Variants in TBC1D22A observed in about 807,000 individuals in gnomAD.
The protein encoded by TBC1D22A is putative GTPase activator.
A neutral mutation model predicts 60.2 loss-of-function variants in TBC1D22A; 38 were observed. The observed-to-expected ratio is 0.63, with a 90% confidence interval of 0.49 to 0.83. TBC1D22A has a LOEUF of 0.83. Ranked by LOEUF, TBC1D22A falls within the 40% of genes least tolerant of loss-of-function variation. The pLI, the probability that TBC1D22A is intolerant of heterozygous loss-of-function variation, is 0.00. For missense variants in TBC1D22A, 628 were observed against 701.0 expected (o/e 0.90, Z 1.18); for synonymous variants, 302 against 281.7 (o/e 1.07, Z -0.72).
chr22:47,090,803 C>T lies in TBC1D22A; in HGVS notation c.1330-20705C>T, dbSNP rs111314243. On this transcript the variant is annotated intron_variant, in intron 11 of 12. Transcript: ENST00000337137. ...TCGTCTTTGGTGGGGAGTGGCCTCG[C>T]GGAGGGGGTGGCTGCTTGTTGATAG... 5.2e-4 allele frequency among the ~76,000 whole-genome samples: 49 copies of T among 93,948 alleles called. 1 individual carries two copies. Among genetic ancestry groups the T allele is most frequent in the African/African-American group, 1.8e-3 (45 of 24,540 alleles). 61.6% of individuals were successfully genotyped at this position (93,948 alleles called of 152,430 possible).
chr22:46,788,907 G>A (rs1242247299), intron 1 of TBC1D22A: 1 of 152,040 alleles, frequency 6.6e-6, no homozygotes, highest in Non-Finnish European at 1.5e-5. Flanking sequence ...TGGAGTGAGG[G>A]GTGGGACTGG....
At position 47,111,515 on chromosome 22, in the gene TBC1D22A, C is replaced by G. The variant is rs768020083; in HGVS notation, c.1337C>G (p.Pro446Arg). The G allele has an allele frequency of 6.2e-7, 1 of 1,613,684 alleles. No homozygotes were observed. The highest frequency in any genetic ancestry group is 8.5e-7 in the Non-Finnish European group (1 of 1,179,930). The change falls in exon 12 of 13, where the codon CCG becomes CGG. Residue 446 changes from proline (P) to arginine (R), a missense_variant. Physicochemically the swap from Pro to Arg is moderately radical, Grantham distance 103 (BLOSUM62 -2). Coordinates refer to ENST00000337137, the MANE Select transcript of TBC1D22A (RefSeq NM_014346.5). The part of the protein sequence containing the change: ...IRLWDTYQSE[P>R]DGFSHFHLYV... The stretch of plus-strand genomic sequence containing the variant: ...TTATTTTTTCTCTTTTAGTCTGAAC[C>G]GGACGGCTTTTCTCATTTCCACTTG...
At chr22:46,958,682 G>A (rs9616178) in intron 8 of TBC1D22A, among the ~76,000 whole-genome samples, 9,047 of 152,298 alleles carry the variant, frequency 0.059, 383 homozygotes, top group Non-Finnish European at 0.09. Context: ...TTTTCCCCCA[G>A]CTGCTGGAAC....
At chr22:47,157,926 GA>G (rs2147193548) in intron 12 of TBC1D22A, among the ~76,000 whole-genome samples, 1 of 152,286 alleles carries the variant, frequency 6.6e-6, no homozygotes, top group South Asian at 2.1e-4. Flanking sequence ...GTAACTGGGG[GA>G]CTCCAGGCAG....
chr22:46,864,570 C>G (rs1368870262), intron 4 of TBC1D22A, among the ~76,000 whole-genome samples: 1 of 152,336 alleles, frequency 6.6e-6, no homozygotes, highest in East Asian at 1.9e-4. Context: ...GAGGAGCACA[C>G]AATTCAGTAG....
chr22:47,128,611 C>T (rs568824472), intron 12 of TBC1D22A, among the ~76,000 whole-genome samples: 5 of 152,058 alleles, frequency 3.3e-5, no homozygotes, highest in African/African-American at 4.8e-5. Flanking sequence ...AATCGATTTT[C>T]GTTCCATGAC....
chr22:46,808,364 T>TA (rs61106220), intron 4 of TBC1D22A, among the ~76,000 whole-genome samples: 7 of 149,792 alleles, frequency 4.7e-5, no homozygotes, highest in South Asian at 4.2e-4. Context: ...CTTAAAAAAA[T>TA]AAAAAAAAAT....
intron 11 of TBC1D22A, among the ~76,000 whole-genome samples, chr22:47,109,337 C>CA (rs1024114371): frequency 2.0e-5 from 3 of 151,676 alleles, no homozygotes; most frequent in African/African-American, 2.4e-5. Context: ...TATAAGCAGA[C>CA]AAAAAAAACC....
intron 1 of TBC1D22A, among the ~76,000 whole-genome samples, chr22:46,781,363 A>T (rs945049808): frequency 6.6e-6 from 1 of 151,814 alleles, no homozygotes. Flanking sequence ...TTTTATAGAG[A>T]CGGGGTTTCA....
At chr22:47,085,220 C>G (rs1270956312) in intron 11 of TBC1D22A, among the ~76,000 whole-genome samples, 1 of 152,152 alleles carries the variant, frequency 6.6e-6, no homozygotes, top group African/African-American at 2.4e-5. Flanking sequence ...GCGGAGGTTG[C>G]AGTGAGCTGA....
At chr22:47,096,101 T>C (rs556936593) in intron 11 of TBC1D22A, among the ~76,000 whole-genome samples, 5 of 152,356 alleles carry the variant, frequency 3.3e-5, no homozygotes, top group East Asian at 1.9e-4. Context: ...TTTGAACTTA[T>C]TACCCAGCTT....
At chr22:47,130,321 C>T (rs969891927) in intron 12 of TBC1D22A, among the ~76,000 whole-genome samples, 1 of 152,198 alleles carries the variant, frequency 6.6e-6, no homozygotes, top group Non-Finnish European at 1.5e-5. Context: ...CCCCCTCCTG[C>T]CGGGCTCCCC....
chr22:47,041,579 ACGG>A (rs2062845025), intron 11 of TBC1D22A, among the ~76,000 whole-genome samples: 2 of 152,150 alleles, frequency 1.3e-5, no homozygotes, highest in African/African-American at 4.8e-5. Context: ...TGAGTATTTC[ACGG>A]AAGCCCTGGT....
chr22:46,802,052 G>T (rs1378864749), intron 4 of TBC1D22A, among the ~76,000 whole-genome samples: 1 of 152,228 alleles, frequency 6.6e-6, no homozygotes, highest in Non-Finnish European at 1.5e-5. Flanking sequence ...ATGGCTGGCC[G>T]TGTCCTTACT....
At chr22:46,868,247 A>G (rs1213837913) in intron 4 of TBC1D22A, among the ~76,000 whole-genome samples, 1 of 152,238 alleles carries the variant, frequency 6.6e-6, no homozygotes, top group Non-Finnish European at 1.5e-5. Context: ...ATGCCAGACA[A>G]CCACAGATTG....
rs1430005367 is a variant in TBC1D22A at position 47,009,732 on chromosome 22, C to T, written c.1201+12023C>T. On this transcript the variant is annotated intron_variant, in intron 10 of 12. Coordinates refer to ENST00000337137, the MANE Select transcript of TBC1D22A (RefSeq NM_014346.5). This position sits in a 1 kb window ranked among gnomAD's most constrained non-coding sequence, Gnocchi z 5.8. ...ATCATCATCACTATCACCATCATTT[C>T]CTCACCATCATCACCATCAACAAAC... Among the ~76,000 whole-genome samples the T allele has an allele frequency of 6.6e-6, 1 of 152,220 alleles. No individual in the cohort carries two copies. The highest frequency in any genetic ancestry group is 1.5e-5 in the Non-Finnish European group (1 of 68,040).
At chr22:47,063,239 C>T (rs565233382) in intron 11 of TBC1D22A, among the ~76,000 whole-genome samples, 4 of 152,240 alleles carry the variant, frequency 2.6e-5, no homozygotes, top group African/African-American at 9.6e-5. Flanking sequence ...GTAGTCAAAC[C>T]ACCCCGGATG....
At chr22:46,843,653 ATTG>A (rs1372658715) in intron 4 of TBC1D22A, among the ~76,000 whole-genome samples, 3 of 151,990 alleles carry the variant, frequency 2.0e-5, no homozygotes, top group Non-Finnish European at 4.4e-5. Flanking sequence ...GAGGGGCCAT[ATTG>A]TTTATCATCT....
At chr22:46,862,965 G>T (rs11913198) in intron 4 of TBC1D22A, among the ~76,000 whole-genome samples, 60,680 of 152,080 alleles carry the variant, frequency 0.4, 12,161 homozygotes, top group Non-Finnish European at 0.41. Flanking sequence ...GAGTGTCTCT[G>T]GTCCGTGGGC....
Sources: allele counts gnomAD v4.1 joint callset (sites outside exome capture counted in the v4.1 genomes callset), GRCh38; gene constraint gnomAD v4.1.1; non-coding constraint Gnocchi (gnomAD v3.1); transcripts MANE v1.5; gene names NCBI Gene and HGNC (gene_info 2026-07-23, HGNC 2026-07-21).